The following BAZ2B variants were observed in gnomAD, a reference collection of about 807,000 sequenced individuals.
BAZ2B encodes the protein bromodomain adjacent to zinc finger domain protein 2B.
BAZ2B carries 91 observed loss-of-function variants against 246.0 expected under a neutral mutation model. The observed-to-expected ratio is 0.37, with a 90% CI of 0.31 to 0.44. BAZ2B has a LOEUF of 0.44. Among genes scored for constraint, BAZ2B ranks in the 20% least tolerant of loss-of-function variants. The probability of loss-of-function intolerance (pLI) is 1.00; values close to 1 mark genes in which losing one functional copy is unlikely to be tolerated. For missense variants in BAZ2B, 2,332 were observed against 2,533.7 expected, an observed-to-expected ratio of 0.92 and a Z score of 1.71; for synonymous variants, 855 against 860.0, an observed-to-expected ratio of 0.99 and a Z score of 0.10.
chr2:159,677,016 T>G, the BAZ2B span, among the ~76,000 whole-genome samples: 1 of 143,998 alleles, frequency 6.9e-6, no homozygotes, highest in African/African-American at 2.5e-5. Context: ...AAAAATTGAG[T>G]TGTCAATTAA....
At position 159,600,572 on chromosome 2, in the gene BAZ2B, C is replaced by T. The variant is rs148776561; in HGVS notation, c.-46+15670G>A. ...AACATACATTCACATGATCTTGTCC[C>T]GAAATCCACCAAACAGGACAAAAAG... On this transcript the variant is annotated intron_variant, in intron 1 of 36. Coordinates refer to ENST00000392783, the MANE Select transcript of BAZ2B (RefSeq NM_013450.4). Among the ~76,000 whole-genome samples the T allele has an allele frequency of 7.9e-5, 12 of 152,212 alleles. No homozygotes were observed. In the South Asian group the frequency reaches 1.9e-3, roughly 24 times the overall value.
Position 159,430,952 on chromosome 2 carries a change from C to A in BAZ2B, c.2105G>T (p.Gly702Val), listed in dbSNP as rs2302924. ...PRNLHIAKAP[G>V]SAPAALCSES... ...AGAACATAAGGCAGCAGGAGCAGAG[C>A]CTGGGGCTTTTGCTATGTGGAGGTT... Residue 702 changes from glycine (G) to valine (V), a missense_variant, in exon 10 of 37, where the codon GGC becomes GTC. Coordinates refer to ENST00000392783, the MANE Select transcript of BAZ2B (RefSeq NM_013450.4). 143 of 1,613,938 alleles carry A rather than the reference C, an allele frequency of 8.9e-5. 1 individual carries two copies. The East Asian group carries it at 3.2e-3, about 36-fold the overall frequency.
chr2:159,449,999 C>A (rs956154813), intron 4 of BAZ2B, among the ~76,000 whole-genome samples: 1 of 152,038 alleles, frequency 6.6e-6, no homozygotes, highest in Non-Finnish European at 1.5e-5. Context: ...GAGAGAGACC[C>A]TGTTGCTATA....
chr2:159,611,970 T>A (rs975568415), intron 1 of BAZ2B, among the ~76,000 whole-genome samples: 2 of 151,968 alleles, frequency 1.3e-5, no homozygotes, highest in Non-Finnish European at 2.9e-5. Flanking sequence ...GATGACACCA[T>A]TTTAGTATCA....
intron 1 of BAZ2B, among the ~76,000 whole-genome samples, chr2:159,579,749 C>G (rs2151624415): frequency 6.6e-6 from 1 of 152,292 alleles, no homozygotes; most frequent in East Asian, 1.9e-4. Context: ...CCCTGGGATG[C>G]AAGGCTGGTT....
intron 1 of BAZ2B, among the ~76,000 whole-genome samples, chr2:159,592,862 A>T (rs1229528702): frequency 6.6e-6 from 1 of 152,196 alleles, no homozygotes; most frequent in African/African-American, 2.4e-5. Context: ...CCAATAACAA[A>T]TATGTTTTAC....
chr2:159,598,692 C>A (rs1163299209), intron 1 of BAZ2B, among the ~76,000 whole-genome samples: 1 of 151,872 alleles, frequency 6.6e-6, no homozygotes, highest in Non-Finnish European at 1.5e-5. Flanking sequence ...ATGGTGAAGC[C>A]CTGTCTCTAC....
intron 2 of BAZ2B, among the ~76,000 whole-genome samples, chr2:159,483,774 C>G (rs1459662734): frequency 1.3e-5 from 2 of 151,680 alleles, no homozygotes; most frequent in African/African-American, 4.8e-5. Flanking sequence ...GAGTGAGACT[C>G]CGTCTCAAAC....
At chr2:159,567,470 C>T (rs1682911399) in intron 1 of BAZ2B, among the ~76,000 whole-genome samples, 2 of 152,096 alleles carry the variant, frequency 1.3e-5, no homozygotes, top group African/African-American at 2.4e-5. Context: ...ACTGAATTGT[C>T]AAAGATACTG....
chr2:159,336,852 T>C (rs113010489), intron 33 of BAZ2B, 90 bp downstream of exon 33: 15 of 1,122,556 alleles, frequency 1.3e-5, no homozygotes, highest in African/African-American at 8.0e-5. Flanking sequence ...ATTATGACAA[T>C]AGGTAATGTA....
chr2:159,579,790 C>T (rs928128014), intron 1 of BAZ2B, among the ~76,000 whole-genome samples: 1 of 152,036 alleles, frequency 6.6e-6, no homozygotes, highest in African/African-American at 2.4e-5. Context: ...ATGTAATACA[C>T]CATATAAACA....
Position 159,431,107 on chromosome 2 carries a change from A to T in BAZ2B, c.1950T>A (p.Asp650Glu), listed in dbSNP as rs2071022355. 3 of 1,612,328 alleles carry T rather than the reference A, an allele frequency of 1.9e-6. No individual in the cohort carries two copies. Among genetic ancestry groups the T allele is most frequent in the African/African-American group, 2.7e-5 (2 of 74,842 alleles). ...ATTCATCTTGGTCTTTATCATCATC[A>T]TCTTCTTCTTCTGATCCTTCTGTAT... ...ESDTEGSEEE[D>E]DDDKDQDESD... The change falls in exon 10 of 37, where the codon GAT becomes GAA. Residue 650 changes from aspartate to glutamate, a missense_variant. This residue lies in a region of BAZ2B where 651 missense variants were observed against 650.9 expected (regional missense o/e 1.00). Transcript: ENST00000392783.
intron 2 of BAZ2B, among the ~76,000 whole-genome samples, chr2:159,493,918 G>A (rs2080784247): frequency 6.6e-6 from 1 of 152,178 alleles, no homozygotes; most frequent in African/African-American, 2.4e-5. Flanking sequence ...CAGGTTATGT[G>A]TGCATGGGTT....
At chr2:159,329,008 A>C (rs1332686140) in intron 34 of BAZ2B, among the ~76,000 whole-genome samples, 1 of 152,112 alleles carries the variant, frequency 6.6e-6, no homozygotes. Flanking sequence ...CACACCTGTA[A>C]TCTCAGCTAT....
intron 19 of BAZ2B, 64 bp from the exon 20 acceptor site, chr2:159,395,898 A>AAAGAAC: frequency 7.0e-7 from 1 of 1,435,604 alleles, no homozygotes; most frequent in Non-Finnish European, 9.5e-7. Flanking sequence ...TTTTCCAATG[A>AAAGAAC]AAAAACAAAA....
chr2:159,690,489 A>G, the BAZ2B span, among the ~76,000 whole-genome samples: 12 of 151,974 alleles, frequency 7.9e-5, no homozygotes, highest in African/African-American at 2.9e-4. Flanking sequence ...TTACCACTCT[A>G]TTTTCTAACT....
chr2:159,487,475 G>C (rs2079967682), intron 2 of BAZ2B, among the ~76,000 whole-genome samples: 1 of 152,180 alleles, frequency 6.6e-6, no homozygotes, highest in African/African-American at 2.4e-5. Context: ...TGTGATGTCA[G>C]AGTCTGAATC....
chr2:159,589,734 C>T (rs1001531317), intron 1 of BAZ2B, among the ~76,000 whole-genome samples: 3 of 152,056 alleles, frequency 2.0e-5, no homozygotes, highest in Non-Finnish European at 4.4e-5. Flanking sequence ...TGTATATAAT[C>T]CATAAACAAA....
chr2:159,633,899 C>G, the BAZ2B span, among the ~76,000 whole-genome samples: 1 of 152,044 alleles, frequency 6.6e-6, no homozygotes, highest in Admixed American at 6.6e-5. Context: ...ACCACCACAT[C>G]CAGCTGATTT....
Sources: gnomAD v4.1 joint callset for allele counts (sites outside exome capture counted in the v4.1 genomes callset) on GRCh38, gnomAD v4.1.1 for gene constraint, gnomAD v4.1.1 regional missense constraint, MANE v1.5 for transcripts, NCBI Gene and HGNC (gene_info 2026-07-23, HGNC 2026-07-21) for gene names.